ALMS1: variants seen among roughly 807,000 people sequenced by gnomAD.
The protein encoded by ALMS1 is ALMS1 centrosome and basal body associated protein.
A neutral mutation model predicts 352.2 loss-of-function variants in ALMS1; 271 were observed. The ratio of observed to expected loss-of-function variants is 0.77; its 90% CI spans 0.70 to 0.85. ALMS1 has a LOEUF of 0.85. Ranked by LOEUF, ALMS1 falls within the 40% of genes least tolerant of loss-of-function variation. The pLI, the probability that ALMS1 is intolerant of heterozygous loss-of-function variation, is 0.00. For missense variants in ALMS1, 5,445 were observed against 4,870.7 expected (o/e 1.12, Z -3.51); for synonymous variants, 1,865 against 1,761.2 (o/e 1.06, Z -1.48).
intron 4 of ALMS1, among the ~76,000 whole-genome samples, chr2:73,424,163 G>A (rs1306235327): frequency 2.0e-5 from 3 of 152,172 alleles, no homozygotes; most frequent in African/African-American, 7.2e-5. Context: ...GCGTCATTAT[G>A]AAAATCACAT....
intron 7 of ALMS1, among the ~76,000 whole-genome samples, chr2:73,437,732 T>C (rs1671633416): frequency 6.6e-6 from 1 of 152,182 alleles, no homozygotes. Flanking sequence ...TTTAATATTA[T>C]GCACAGTCTT....
intron 9 of ALMS1, among the ~76,000 whole-genome samples, chr2:73,464,339 A>G (rs1672277826): frequency 6.6e-6 from 1 of 152,248 alleles, no homozygotes; most frequent in South Asian, 2.1e-4. Flanking sequence ...AACCAAAGAC[A>G]AAAACCACAT....
At chr2:73,573,634 A>C (rs972027762) in intron 16 of ALMS1, 2 of 670,092 alleles carry the variant, frequency 3.0e-6, no homozygotes, top group Admixed American at 2.2e-5. Context: ...TTACCTTTTG[A>C]ATGAAGGGCT....
chr2:73,449,705 T>A lies in ALMS1; in HGVS notation c.3178T>A (p.Tyr1060Asn). ...ACAGAGGGAGAAGCCTAGTGTTTTG[T>A]ACCCACAGGTGTTATCAGACAGTCA... Reference protein sequence around the residue: ...YPQREKPSVLYPQVLSDSHLP... With the variant: ...YPQREKPSVLNPQVLSDSHLP... Residue 1060 changes from tyrosine (Y) to asparagine (N), a missense_variant, in exon 8 of 23, where the codon TAC (tyrosine) becomes AAC (asparagine). Tyr to Asn is a moderately radical substitution (Grantham distance 143). Coordinates refer to ENST00000613296, the MANE Select transcript of ALMS1 (RefSeq NM_001378454.1). 1 of 1,614,098 alleles carries A rather than the reference T, an allele frequency of 6.2e-7. No individual in the cohort carries two copies. The highest frequency in any genetic ancestry group is 8.5e-7 in the Non-Finnish European group (1 of 1,179,970).
chr2:73,435,556 A>G (rs1048491923), intron 7 of ALMS1, among the ~76,000 whole-genome samples: 5 of 149,212 alleles, frequency 3.4e-5, no homozygotes, highest in African/African-American at 1.2e-4. Flanking sequence ...TTTTGGTGCT[A>G]TTATTGTTAT....
chr2:73,481,259 T>C (rs1672697572), intron 9 of ALMS1, among the ~76,000 whole-genome samples: 1 of 152,180 alleles, frequency 6.6e-6, no homozygotes, highest in South Asian at 2.1e-4. Flanking sequence ...TTGTATACGG[T>C]GTAAGGAAGG....
At chr2:73,597,656 G>A (rs1211305022) in intron 16 of ALMS1, among the ~76,000 whole-genome samples, 1 of 152,054 alleles carries the variant, frequency 6.6e-6, no homozygotes, top group Non-Finnish European at 1.5e-5. Context: ...TTTCTAAAAT[G>A]CAGATTTCGT....
At chr2:73,554,502 G>A (rs1236963954) in intron 13 of ALMS1, among the ~76,000 whole-genome samples, 1 of 151,406 alleles carries the variant, frequency 6.6e-6, no homozygotes, top group Admixed American at 6.6e-5. Flanking sequence ...TCAGGAGATC[G>A]AGACCATCCT....
At position 73,448,051 on chromosome 2, in the gene ALMS1, T is replaced by C. The variant is rs765875854; in HGVS notation, c.1524T>C (p.Ser508=). 6.2e-7 allele frequency: 1 copy of C among 1,613,920 alleles called. No individual in the cohort carries two copies. Among genetic ancestry groups the C allele is most frequent in the South Asian group, 1.1e-5 (1 of 91,066 alleles). The part of the protein sequence containing the change: ...TTTPVDSDIG[S]HLSLSLEDLS... ...CTCCTGTTGATTCAGACATTGGATCTCATTTATCCTTGTCCCTTGAGGACC... is the reference window on the plus strand; with the variant it reads ...CTCCTGTTGATTCAGACATTGGATCCCATTTATCCTTGTCCCTTGAGGACC... The change falls in exon 8 of 23, where the codon TCT becomes TCC. Residue 508 remains serine (S), a synonymous_variant. Transcript: ENST00000613296.
rs1255051455 is a variant in ALMS1 at position 73,423,344 on chromosome 2, T to A, written c.764+370T>A. Among the ~76,000 whole-genome samples the A allele has an allele frequency of 2.6e-5, 4 of 152,208 alleles. No homozygotes were observed. The East Asian group carries it at 7.7e-4, about 29-fold the overall frequency. ...CAAAAAGCATTTATTTCTTGTTCAC[T>A]AACTTGTTTGGCACTCTCATTTTGT... is the stretch of plus-strand genomic sequence containing the variant. On this transcript the variant is annotated intron_variant, in intron 4 of 22. Transcript: ENST00000613296.
intron 13 of ALMS1, among the ~76,000 whole-genome samples, chr2:73,556,684 G>C (rs1300162414): frequency 6.8e-6 from 1 of 148,076 alleles, no homozygotes; most frequent in Non-Finnish European, 1.5e-5. Context: ...TCAAGGAACA[G>C]ATTTTTTTTA....
At chr2:73,572,023 C>T (rs6725385) in intron 15 of ALMS1, among the ~76,000 whole-genome samples, 6 of 152,096 alleles carry the variant, frequency 3.9e-5, no homozygotes, top group African/African-American at 1.4e-4. Context: ...CTCCAGGTCA[C>T]GTAGCCGGTC....
intron 10 of ALMS1, 103 bp downstream of exon 10, chr2:73,491,601 C>T (rs1221344019): frequency 1.6e-6 from 2 of 1,263,282 alleles, no homozygotes; most frequent in African/African-American, 1.5e-5. Context: ...CGTGTGATTT[C>T]TCTGAGTGGA....
chr2:73,491,170 T>A lies in ALMS1; in HGVS notation c.9211T>A (p.Leu3071Met). The change falls in exon 10 of 23, where the codon TTG becomes ATG. Residue 3071 changes from leucine to methionine, a missense_variant. Coordinates refer to ENST00000613296, the MANE Select transcript of ALMS1 (RefSeq NM_001378454.1). ...SGTLDERFHS[L>M]DAASKARMNS... ...AACTTTAGATGAAAGATTCCATTCA[T>A]TGGATGCTGCTTCTAAAGCGAGGAT... The A allele has an allele frequency of 6.2e-7, 1 of 1,614,216 alleles. No individual in the cohort carries two copies.
rs1340732016 is a variant in ALMS1, at chr2:73,453,836, G to A, written c.7309G>A (p.Glu2437Lys). ...SWDSNLPESL[E>K]SVSDVLLNFF... ...GGACAGTAATTTACCAGAGTCTTTG[G>A]AATCAGTTTCTGATGTTCTTCTAAA... The change falls in exon 8 of 23, where the codon GAA (glutamate) becomes AAA (lysine). Residue 2437 changes from glutamate to lysine, a missense_variant. Physicochemically the swap from Glu to Lys is moderately conservative, Grantham distance 56 (BLOSUM62 1). Coordinates refer to ENST00000613296, the MANE Select transcript of ALMS1 (RefSeq NM_001378454.1). 1 of 1,613,994 alleles carries A rather than the reference G, an allele frequency of 6.2e-7. No individual in the cohort carries two copies. The highest frequency in any genetic ancestry group is 1.3e-5 in the African/African-American group (1 of 74,900).
intron 9 of ALMS1, among the ~76,000 whole-genome samples, chr2:73,483,843 C>G (rs1262229075): frequency 6.9e-6 from 1 of 145,508 alleles, no homozygotes. Flanking sequence ...TTCTTTGTCT[C>G]TTTTGATCTT....
intron 2 of ALMS1, among the ~76,000 whole-genome samples, chr2:73,410,801 A>G (rs1221144370): frequency 6.6e-6 from 1 of 151,182 alleles, no homozygotes; most frequent in African/African-American, 2.5e-5. Flanking sequence ...TGGAGGAAAA[A>G]TGTTATTAGT....
At chr2:73,466,494 G>A (rs1672348025) in intron 9 of ALMS1, among the ~76,000 whole-genome samples, 1 of 123,114 alleles carries the variant, frequency 8.1e-6, no homozygotes, top group South Asian at 3.3e-4. Flanking sequence ...TGGGGTGGGG[G>A]GAGGGGGGAG....
chr2:73,584,078 AT>A (rs1318862927), intron 16 of ALMS1, among the ~76,000 whole-genome samples: 2 of 152,160 alleles, frequency 1.3e-5, no homozygotes, highest in African/African-American at 4.8e-5. Flanking sequence ...ATGTAATCTA[AT>A]TAACTAATAT....
Sources: gnomAD v4.1 joint callset for allele counts (sites outside exome capture counted in the v4.1 genomes callset) on GRCh38, gnomAD v4.1.1 for gene constraint, MANE v1.5 for transcripts, NCBI Gene and HGNC (gene_info 2026-07-23, HGNC 2026-07-21) for gene names.